ZFAT: variants seen among roughly 807,000 people sequenced by gnomAD.
ZFAT encodes zinc finger protein ZFAT.
ZFAT carries 64 observed loss-of-function variants against 117.7 expected under a neutral mutation model. That is an observed-to-expected ratio of 0.54 (90% CI 0.44 to 0.67). The LOEUF (loss-of-function observed/expected upper bound fraction) is 0.67, where lower values mean the gene tolerates loss of function less well. ZFAT is among the 30% of genes least tolerant of loss of function. The pLI, the probability that ZFAT is intolerant of heterozygous loss-of-function variation, is 0.00. For synonymous variants in ZFAT, 679 were observed against 615.0 expected (o/e 1.10, Z -1.54); for missense variants, 1,433 against 1,584.5 (o/e 0.90, Z 1.62).
At chr8:134,772,717 G>A in the ZFAT span, among the ~76,000 whole-genome samples, 1 of 152,272 alleles carries the variant, frequency 6.6e-6, no homozygotes, top group South Asian at 2.1e-4. Flanking sequence ...TCTTGGAACA[G>A]GATGCTATCT....
At chr8:134,692,207 T>G (rs1407232921) in intron 1 of ZFAT, among the ~76,000 whole-genome samples, 2 of 152,176 alleles carry the variant, frequency 1.3e-5, no homozygotes, top group Non-Finnish European at 2.9e-5. Flanking sequence ...AAGATCAGGC[T>G]CAGGGTGGGA....
intron 10 of ZFAT, among the ~76,000 whole-genome samples, chr8:134,581,250 C>T (rs949918527): frequency 3.3e-5 from 5 of 151,658 alleles, no homozygotes; most frequent in African/African-American, 1.2e-4. Flanking sequence ...CCCTGTTTAC[C>T]AAGCCAGTCC....
At chr8:134,494,427 C>T (rs1438685120) in intron 15 of ZFAT, among the ~76,000 whole-genome samples, 1 of 152,168 alleles carries the variant, frequency 6.6e-6, no homozygotes, top group Non-Finnish European at 1.5e-5. Flanking sequence ...CTTTAGTGGG[C>T]CATCTCGAGG....
At chr8:134,827,228 T>C in the ZFAT span, among the ~76,000 whole-genome samples, 1 of 152,084 alleles carries the variant, frequency 6.6e-6, no homozygotes, top group Non-Finnish European at 1.5e-5. Context: ...ACTGTTTTGT[T>C]ATTTTTGTAG....
chr8:134,583,911 G>C lies in ZFAT; in HGVS notation c.2808C>G (p.Thr936=). 6.2e-7 allele frequency: 1 copy of C among 1,608,974 alleles called. No homozygotes were observed. Residue 936 remains threonine, a synonymous_variant, in exon 10 of 16, where the codon ACC becomes ACG. Coordinates refer to ENST00000377838, the MANE Select transcript of ZFAT (RefSeq NM_020863.4). ...TCTTGCCACACATGTCACATAGGTG[G>C]GTTTTCTCAGTGCTGTGACGATTCA... is the stretch of plus-strand genomic sequence containing the variant. The part of the protein sequence containing the change: ...AHMNRHSTEK[T]HLCDMCGKKF...
intron 1 of ZFAT, among the ~76,000 whole-genome samples, chr8:134,682,267 C>A (rs928816310): frequency 1.3e-5 from 2 of 152,168 alleles, no homozygotes; most frequent in Non-Finnish European, 2.9e-5. Flanking sequence ...ATTTTACATA[C>A]CACTAAAAAA....
At chr8:134,539,452 A>G (rs1280900687) in intron 11 of ZFAT, among the ~76,000 whole-genome samples, 1 of 152,214 alleles carries the variant, frequency 6.6e-6, no homozygotes, top group African/African-American at 2.4e-5. Context: ...CTTTGTTGAT[A>G]AGCCTACCTT....
At chr8:134,552,927 C>T (rs931736379) in intron 11 of ZFAT, among the ~76,000 whole-genome samples, 1 of 152,216 alleles carries the variant, frequency 6.6e-6, no homozygotes, top group Non-Finnish European at 1.5e-5. Flanking sequence ...CCAGGAAAAG[C>T]TCTTGGTGCA....
intron 13 of ZFAT, among the ~76,000 whole-genome samples, chr8:134,520,408 G>A (rs1054972461): frequency 2.6e-5 from 4 of 152,096 alleles, no homozygotes; most frequent in South Asian, 2.1e-4. Context: ...TAATAAAGGC[G>A]TGTTTTCAGC....
chr8:134,688,829 C>G (rs1271180053), intron 1 of ZFAT, among the ~76,000 whole-genome samples: 1 of 152,202 alleles, frequency 6.6e-6, no homozygotes, highest in Non-Finnish European at 1.5e-5. Flanking sequence ...GCTGCAGCCT[C>G]AGGGAACCGA....
At chr8:134,508,270 C>T (rs1458423564) in intron 15 of ZFAT, among the ~76,000 whole-genome samples, 1 of 152,228 alleles carries the variant, frequency 6.6e-6, no homozygotes, top group Non-Finnish European at 1.5e-5. Flanking sequence ...GTGCCCTGGG[C>T]ACACTCAGGG....
chr8:134,661,561 T>C (rs891248800), intron 1 of ZFAT, among the ~76,000 whole-genome samples: 11 of 152,070 alleles, frequency 7.2e-5, no homozygotes, highest in African/African-American at 2.7e-4. Flanking sequence ...TCAGTGCACC[T>C]GGAGGACAGC....
rs79371263 is a variant in ZFAT, at chr8:134,689,752, A to T, written c.19+23093T>A. Among the ~76,000 whole-genome samples the T allele has an allele frequency of 6.4e-3, 975 of 152,328 alleles. 17 individuals are homozygous for T. The highest frequency in any genetic ancestry group is 0.039 in the East Asian group (202 of 5,188). On this transcript the variant is annotated intron_variant, in intron 1 of 15. Coordinates refer to ENST00000377838, the MANE Select transcript of ZFAT (RefSeq NM_020863.4). ...TTCCTGGAGATGGCCCCCACCAGGG[A>T]CGCCTCCTAGACTGGAGGACACGGA... is the stretch of plus-strand genomic sequence containing the variant.
At chr8:134,612,527 G>A (rs115271674) in intron 3 of ZFAT, among the ~76,000 whole-genome samples, 1,788 of 152,272 alleles carry the variant, frequency 0.012, 43 homozygotes, top group African/African-American at 0.04. Flanking sequence ...AAAAAAACTC[G>A]GCTAATGGCA....
intron 1 of ZFAT, among the ~76,000 whole-genome samples, chr8:134,705,367 G>GTTT (rs34419061): frequency 1.7e-4 from 20 of 117,408 alleles, no homozygotes; most frequent in South Asian, 1.1e-3. Flanking sequence ...TGCCCAGCTG[G>GTTT]TTTTTTTTTG....
At chr8:134,681,698 CCTATTAAATTAT>C (rs1833077147) in intron 1 of ZFAT, among the ~76,000 whole-genome samples, 1 of 152,132 alleles carries the variant, frequency 6.6e-6, no homozygotes, top group South Asian at 2.1e-4. Context: ...AAACTAAGAT[CCTATTAAATTAT>C]CTATCTTATG....
intron 15 of ZFAT, among the ~76,000 whole-genome samples, chr8:134,503,374 C>T (rs1239066907): frequency 6.6e-6 from 1 of 152,196 alleles, no homozygotes; most frequent in Admixed American, 6.5e-5. Context: ...AATCTGTCCA[C>T]CAAAATTGTC....
chr8:134,655,690 T>C (rs1831555852), intron 2 of ZFAT, among the ~76,000 whole-genome samples: 1 of 152,152 alleles, frequency 6.6e-6, no homozygotes, highest in South Asian at 2.1e-4. Flanking sequence ...TTCTCTCTTA[T>C]CTACAACTCA....
At chr8:134,767,649 C>T in the ZFAT span, among the ~76,000 whole-genome samples, 30 of 152,236 alleles carry the variant, frequency 2.0e-4, no homozygotes, top group East Asian at 5.6e-3. Context: ...CCAACCTGGG[C>T]AACATAATGA....
Sources: gnomAD v4.1 joint callset for allele counts (sites outside exome capture counted in the v4.1 genomes callset) on GRCh38, gnomAD v4.1.1 for gene constraint, MANE v1.5 for transcripts, NCBI Gene and HGNC (gene_info 2026-07-23, HGNC 2026-07-21) for gene names.